SDR42E1: variants seen among roughly 807,000 people sequenced by gnomAD.
The protein encoded by SDR42E1 is short chain dehydrogenase/reductase family 42E, member 1, also known as short-chain dehydrogenase/reductase family 42E member 1.
A neutral mutation model predicts 2.6 loss-of-function variants in SDR42E1; 5 were observed. That is an observed-to-expected ratio of 1.94 (90% CI 1.01 to 4.08). The LOEUF (loss-of-function observed/expected upper bound fraction) is 4.08, where lower values mean the gene tolerates loss of function less well. Among genes scored for constraint, SDR42E1 ranks in the 30% most tolerant of loss-of-function variants. The pLI, the probability that SDR42E1 is intolerant of heterozygous loss-of-function variation, is 0.00. For missense variants in SDR42E1, 596 were observed against 478.6 expected (o/e 1.25, Z -2.29); for synonymous variants, 231 against 188.3 (o/e 1.23, Z -1.86).
At chr16:82,010,218 A>T (rs890447969) in intron 1 of SDR42E1, among the ~76,000 whole-genome samples, 4 of 152,336 alleles carry the variant, frequency 2.6e-5, no homozygotes, top group Admixed American at 1.3e-4. Flanking sequence ...TTTAAGCCTC[A>T]GGACAATCTT....
At chr16:82,008,810 C>T (rs1913032493) in intron 1 of SDR42E1, among the ~76,000 whole-genome samples, 1 of 152,194 alleles carries the variant, frequency 6.6e-6, no homozygotes, top group Non-Finnish European at 1.5e-5. Flanking sequence ...ATCATCAAGA[C>T]AATGGGGAAA....
At chr16:82,006,841 G>A (rs1227305225) in intron 1 of SDR42E1, among the ~76,000 whole-genome samples, 2 of 152,170 alleles carry the variant, frequency 1.3e-5, no homozygotes, top group East Asian at 1.9e-4. Flanking sequence ...CACCTTGGAA[G>A]AAAATTACCT....
chr16:82,009,683 G>A lies in SDR42E1; in HGVS notation c.-27+1704C>T, dbSNP rs552318553. 2.6e-5 allele frequency among the ~76,000 whole-genome samples: 4 copies of A among 152,214 alleles called. No individual in the cohort carries two copies. In the East Asian group the frequency reaches 7.7e-4, roughly 29 times the overall value. On this transcript the variant is annotated intron_variant, in intron 1 of 2. Transcript: ENST00000328945. ...CTTATAGGTGGAAGGGGCTTGCCTT[G>A]CCTCAGATGAGACTTTGGAGTGTGG...
chr16:82,000,423 A>C, intron 2 of SDR42E1, 199 bp from the exon 3 acceptor site: 1 of 733,260 alleles, frequency 1.4e-6, no homozygotes, highest in Admixed American at 2.0e-5. Flanking sequence ...ATCTACTTAA[A>C]TTACAAAGAG....
At position 81,990,828 on chromosome 16, in the gene SDR42E1, G is replaced by A. The variant is rs1597170909; in HGVS notation, c.*8283C>T. 6.6e-6 allele frequency: 1 copy of A among 152,184 alleles called. No individual in the cohort carries two copies. The highest frequency in any genetic ancestry group is 2.4e-5 in the African/African-American group (1 of 41,438). The allele number at this position is 152,184 out of a possible 1,614,324, so 9.4% of individuals were successfully genotyped here. A position where few individuals can be genotyped will look rare whatever the true frequency, so the allele number is the denominator to read the frequency against. ...ACTTGGGCCCAAACTTAAGGTATTT[G>A]CTGTGCTCAGAGACACTTCCACTGT... On this transcript the variant is annotated 3_prime_UTR_variant, in exon 3 of 3. Transcript: ENST00000328945.
chr16:82,005,105 G>A (rs967327383), intron 1 of SDR42E1, among the ~76,000 whole-genome samples: 1 of 152,144 alleles, frequency 6.6e-6, no homozygotes, highest in East Asian at 1.9e-4. Context: ...ACATTCCAAC[G>A]GAAATACCTA....
chr16:81,993,094 A>G lies in SDR42E1; in HGVS notation c.*6017T>C, dbSNP rs1245435049. The G allele has an allele frequency of 1.3e-5, 2 of 152,222 alleles. No homozygotes were observed. The highest frequency in any genetic ancestry group is 1.5e-5 in the Non-Finnish European group (1 of 68,036). 9.4% of individuals were successfully genotyped at this position (152,222 alleles called of 1,614,324 possible). Reference sequence around the variant, plus strand: ...CGTAGCAGTGCTTGTCTGTGTCAACAAAGAACTGGGCCCTGCATAAAGGAG... The same window carrying G: ...CGTAGCAGTGCTTGTCTGTGTCAACGAAGAACTGGGCCCTGCATAAAGGAG... On this transcript the variant is annotated 3_prime_UTR_variant, in exon 3 of 3. Coordinates refer to ENST00000328945, the MANE Select transcript of SDR42E1 (RefSeq NM_145168.3).
chr16:81,999,652 C>T lies in SDR42E1; in HGVS notation c.641G>A (p.Gly214Glu). ...AAACTCAACCAGGCTCCTGGGGTCC[C>T]CGTAGACAAACTTGAACAGACCCTT... Reference protein sequence around the residue: ...IEKGLFKFVYGDPRSLVEFVH... With the variant: ...IEKGLFKFVYEDPRSLVEFVH... Residue 214 changes from glycine to glutamate, a missense_variant, in exon 3 of 3, where the codon GGG becomes GAG. Gly to Glu is a moderately conservative substitution (Grantham distance 98). Coordinates refer to ENST00000328945, the MANE Select transcript of SDR42E1 (RefSeq NM_145168.3). The T allele has an allele frequency of 6.2e-7, 1 of 1,614,160 alleles. No individual in the cohort carries two copies. Among genetic ancestry groups the T allele is most frequent in the Non-Finnish European group, 8.5e-7 (1 of 1,180,026 alleles).
Position 81,999,253 on chromosome 16 carries a change from A to G in SDR42E1, c.1040T>C (p.Val347Ala). Residue 347 changes from valine (V) to alanine (A), a missense_variant, in exon 3 of 3, where the codon GTG becomes GCG. Val to Ala is a moderately conservative substitution (Grantham distance 64). Coordinates refer to ENST00000328945, the MANE Select transcript of SDR42E1 (RefSeq NM_145168.3). The stretch of plus-strand genomic sequence containing the variant: ...ATGACCATGGGCTTTAAACCATTCC[A>G]CTGCTTCCTGGAGGTCAAATGGCTG... ...KAQPFDLQEA[V>A]EWFKAHGHGR... 3.1e-6 allele frequency: 5 copies of G among 1,614,118 alleles called. No homozygotes were observed. The highest frequency in any genetic ancestry group is 4.2e-6 in the Non-Finnish European group (5 of 1,180,024).
At chr16:82,006,041 G>C (rs546608893) in intron 1 of SDR42E1, among the ~76,000 whole-genome samples, 1 of 152,056 alleles carries the variant, frequency 6.6e-6, no homozygotes, top group Non-Finnish European at 1.5e-5. Context: ...CTTTGATTAC[G>C]CACACCGTTC....
chr16:82,005,443 T>G (rs570342442), intron 1 of SDR42E1, among the ~76,000 whole-genome samples: 1 of 152,350 alleles, frequency 6.6e-6, no homozygotes, highest in South Asian at 2.1e-4. Flanking sequence ...AGCCATCTGC[T>G]GCACTGCTGG....
Position 81,994,625 on chromosome 16 carries a change from C to G in SDR42E1, c.*4486G>C, listed in dbSNP as rs1912500271. 6.6e-6 allele frequency: 1 copy of G among 152,168 alleles called. No homozygotes were observed. The highest frequency in any genetic ancestry group is 2.1e-4 in the South Asian group (1 of 4,820). 9.4% of individuals were successfully genotyped at this position (152,168 alleles called of 1,614,324 possible). A position where few individuals can be genotyped will look rare whatever the true frequency, so the allele number is the denominator to read the frequency against. Reference sequence around the variant, plus strand: ...GTGTGCCATCTCTAAGCAAGAGATGCTGGTGAAGATTTTAATAACATTGCT... The same window carrying G: ...GTGTGCCATCTCTAAGCAAGAGATGGTGGTGAAGATTTTAATAACATTGCT... On this transcript the variant is annotated 3_prime_UTR_variant, in exon 3 of 3. Coordinates refer to ENST00000328945, the MANE Select transcript of SDR42E1 (RefSeq NM_145168.3).
intron 1 of SDR42E1, among the ~76,000 whole-genome samples, chr16:82,006,809 C>T (rs1195033385): frequency 2.0e-5 from 3 of 151,968 alleles, no homozygotes; most frequent in Non-Finnish European, 2.9e-5. Flanking sequence ...AAACAAAAAA[C>T]AAAAAACCAA....
At chr16:82,006,542 C>T (rs904685607) in intron 1 of SDR42E1, among the ~76,000 whole-genome samples, 2 of 152,148 alleles carry the variant, frequency 1.3e-5, no homozygotes, top group Non-Finnish European at 1.5e-5. Context: ...CCTGTAATTC[C>T]AGCACTTTGG....
chr16:81,999,743 T>A lies in SDR42E1; in HGVS notation c.550A>T (p.Arg184Trp). ...GDGVLRTCAL[R>W]PAGIYGPGEQ... The stretch of plus-strand genomic sequence containing the variant: ...CCAGGCCCATAGATGCCAGCTGGCC[T>A]CAGAGCGCAGGTTCTTAAGACACCG... The change falls in exon 3 of 3, where the codon AGG becomes TGG. Residue 184 changes from arginine (R) to tryptophan (W), a missense_variant. Arg to Trp is a moderately radical substitution (Grantham distance 101, BLOSUM62 -3). Transcript: ENST00000328945. The A allele has an allele frequency of 6.2e-7, 1 of 1,614,162 alleles. No homozygotes were observed. Among genetic ancestry groups the A allele is most frequent in the Non-Finnish European group, 8.5e-7 (1 of 1,180,014 alleles).
At chr16:82,008,257 T>C (rs1913013825) in intron 1 of SDR42E1, among the ~76,000 whole-genome samples, 1 of 152,254 alleles carries the variant, frequency 6.6e-6, no homozygotes, top group South Asian at 2.1e-4. Flanking sequence ...GGAATGTCTT[T>C]ATTAGCAGTA....
In SDR42E1 at chr16:82,000,018, C is replaced by T. The variant is rs759669365; in HGVS notation, c.275G>A (p.Arg92Gln). The T allele has an allele frequency of 4.8e-5, 77 of 1,614,052 alleles. No individual in the cohort carries two copies. In the Admixed American group the frequency reaches 8.5e-4, roughly 18 times the overall value. ...GACGTTGACTTCTTTGATCAGGTTT[C>T]GATTGAGTTGCTCCCGCCCTGACAT... ...YGMSGREQLN[R>Q]NLIKEVNVRG... The change falls in exon 3 of 3, where the codon CGA becomes CAA. Residue 92 changes from arginine to glutamine, a missense_variant. Arg to Gln is a conservative substitution (Grantham distance 43, BLOSUM62 1). Coordinates refer to ENST00000328945, the MANE Select transcript of SDR42E1 (RefSeq NM_145168.3).
intron 1 of SDR42E1, among the ~76,000 whole-genome samples, chr16:82,005,739 T>C (rs144364574): frequency 2.6e-4 from 40 of 152,300 alleles, no homozygotes; most frequent in Non-Finnish European, 5.3e-4. Context: ...CTTTGTTCAG[T>C]AATTGCTCTC....
chr16:82,009,859 T>C (rs1056893328), intron 1 of SDR42E1, among the ~76,000 whole-genome samples: 6 of 152,220 alleles, frequency 3.9e-5, no homozygotes, highest in Non-Finnish European at 5.9e-5. Context: ...TCACCTTGAA[T>C]TGTAGATCCC....
Sources: allele counts gnomAD v4.1 joint callset (sites outside exome capture counted in the v4.1 genomes callset), GRCh38; gene constraint gnomAD v4.1.1; transcripts MANE v1.5; gene names NCBI Gene and HGNC (gene_info 2026-07-23, HGNC 2026-07-21).